Variants in TBC1D1 observed in about 807,000 individuals in gnomAD.
TBC1D1 encodes TBC1 domain family member 1, also known as TBC1 (tre-2/USP6, BUB2, cdc16) domain family, member 1.
In TBC1D1, 89 loss-of-function variants were observed where a neutral mutation model predicts 125.6. The ratio of observed to expected loss-of-function variants is 0.71; its 90% CI spans 0.60 to 0.85. The LOEUF (loss-of-function observed/expected upper bound fraction) is 0.85. TBC1D1 is among the 40% of genes least tolerant of loss of function. TBC1D1 has a pLI of 0.00. For synonymous variants in TBC1D1, 565 were observed against 564.1 expected (o/e 1.00, Z -0.02); for missense variants, 1,377 against 1,469.2 (o/e 0.94, Z 1.03).
Position 38,090,021 on chromosome 4 carries a change from A to G in TBC1D1, c.2140A>G (p.Lys714Glu), listed in dbSNP as rs763077102. The G allele has an allele frequency of 3.4e-5, 55 of 1,614,052 alleles. No homozygotes were observed. Among genetic ancestry groups the G allele is most frequent in the Non-Finnish European group, 1.9e-5 (23 of 1,180,022 alleles). Residue 714 changes from lysine (K) to glutamate (E), a missense_variant, in exon 13 of 20, where the codon AAA becomes GAA. Lys to Glu is a moderately conservative substitution (Grantham distance 56). Coordinates refer to ENST00000261439, the MANE Select transcript of TBC1D1 (RefSeq NM_015173.4). ...CTTTGGCCCCCCACCAGAGGAAAAG[A>G]AAAGGACATCTCGTGAGCTCCGAGA...
chr4:37,973,802 C>T (rs143263119), intron 2 of TBC1D1, among the ~76,000 whole-genome samples: 128 of 152,358 alleles, frequency 8.4e-4, no homozygotes, highest in African/African-American at 2.9e-3. Flanking sequence ...TAATCATTAA[C>T]GTTTTAAGAC....
intron 2 of TBC1D1, among the ~76,000 whole-genome samples, chr4:37,978,416 T>C (rs1280878837): frequency 2.0e-5 from 3 of 152,232 alleles, no homozygotes; most frequent in Non-Finnish European, 4.4e-5. Flanking sequence ...GGTTGAGTAA[T>C]AAGCTCACAA....
At position 37,977,412 on chromosome 4, in the gene TBC1D1, A is replaced by G; in HGVS notation, c.418-37097A>G. 1 of 853,660 alleles carries G rather than the reference A, an allele frequency of 1.2e-6. No individual in the cohort carries two copies. The highest frequency in any genetic ancestry group is 6.1e-4 in the Middle Eastern group (1 of 1,628). The allele number at this position is 853,660 out of a possible 1,614,324, so 52.9% of individuals were successfully genotyped here. ...CGATGCCCCGGCCCCGCCGCTCCCC[A>G]AGCCCGCCCCCGGCCGCCCGCGGGC... On this transcript the variant is annotated intron_variant, in intron 2 of 19. Transcript: ENST00000261439. The surrounding 1 kb of genome is among the most constrained non-coding windows in gnomAD (Gnocchi z 4.3).
chr4:38,100,657 G>T (rs1760148235), intron 14 of TBC1D1, among the ~76,000 whole-genome samples: 1 of 152,116 alleles, frequency 6.6e-6, no homozygotes, highest in African/African-American at 2.4e-5. Context: ...ATTACAGAAG[G>T]TATAGGATGT....
chr4:38,057,375 C>T (rs1256549271), intron 12 of TBC1D1, among the ~76,000 whole-genome samples: 1 of 152,192 alleles, frequency 6.6e-6, no homozygotes, highest in East Asian at 1.9e-4. Context: ...CAGCTCTCTC[C>T]CTGTAACACA....
chr4:38,131,347 T>C (rs1765554960), intron 18 of TBC1D1, among the ~76,000 whole-genome samples: 1 of 152,254 alleles, frequency 6.6e-6, no homozygotes, highest in Non-Finnish European at 1.5e-5. Flanking sequence ...TTTATAATTA[T>C]ACATGAGTGC....
intron 18 of TBC1D1, 74 bp from the exon 21 acceptor site, chr4:38,133,010 G>T: frequency 7.1e-7 from 1 of 1,398,660 alleles, no homozygotes. Context: ...GCATTGTCGT[G>T]ATTGCAGACG....
intron 6 of TBC1D1, among the ~76,000 whole-genome samples, chr4:38,024,648 A>G (rs1744714318): frequency 6.6e-6 from 1 of 152,188 alleles, no homozygotes; most frequent in African/African-American, 2.4e-5. Flanking sequence ...GTGTAGAAGA[A>G]GTGCATTGTT....
intron 5 of TBC1D1, 130 bp downstream of exon 5, chr4:38,020,825 T>C (rs1481909417): frequency 3.0e-6 from 2 of 675,368 alleles, no homozygotes; most frequent in Admixed American, 5.5e-5. Context: ...GTTATTTACT[T>C]ATGACTATTT....
chr4:38,046,887 C>T (rs1749593251), intron 10 of TBC1D1, among the ~76,000 whole-genome samples: 1 of 152,146 alleles, frequency 6.6e-6, no homozygotes, highest in Admixed American at 6.6e-5. Flanking sequence ...CTCTCTTTGG[C>T]AGTAGTGAGG....
chr4:38,112,997 T>C (rs1762442647), intron 15 of TBC1D1, among the ~76,000 whole-genome samples: 1 of 152,184 alleles, frequency 6.6e-6, no homozygotes, highest in Non-Finnish European at 1.5e-5. Context: ...GGTCATTGGT[T>C]TGGCAAAATT....
At chr4:38,087,866 A>AG (rs1757789677) in intron 12 of TBC1D1, among the ~76,000 whole-genome samples, 3 of 149,030 alleles carry the variant, frequency 2.0e-5, no homozygotes, top group Non-Finnish European at 3.0e-5. Context: ...AAAAAAAGAA[A>AG]AAAAAAAAAA....
intron 2 of TBC1D1, among the ~76,000 whole-genome samples, chr4:37,941,963 A>G (rs1725664988): frequency 6.6e-6 from 1 of 152,220 alleles, no homozygotes; most frequent in South Asian, 2.1e-4. Context: ...CAATTTTGGA[A>G]TAAGTGCGAT....
chr4:38,035,528 C>A, intron 7 of TBC1D1, 60 bp from the exon 8 acceptor site: 1 of 1,372,692 alleles, frequency 7.3e-7, no homozygotes, highest in South Asian at 1.2e-5. Context: ...TTTAAAAAGA[C>A]GGCTTAGCAA....
chr4:37,961,068 T>A, intron 2 of TBC1D1: 2 of 1,588,510 alleles, frequency 1.3e-6, no homozygotes, highest in South Asian at 2.2e-5. Flanking sequence ...TTGGAGTTTG[T>A]GTGTACTTGT....
chr4:37,901,462 T>C (rs943873658), intron 1 of TBC1D1, among the ~76,000 whole-genome samples: 9 of 152,100 alleles, frequency 5.9e-5, no homozygotes, highest in African/African-American at 2.2e-4. Flanking sequence ...TGGCCTAACA[T>C]TGATATCTGT....
At chr4:38,071,690 G>A (rs1487123121) in intron 12 of TBC1D1, among the ~76,000 whole-genome samples, 1 of 152,178 alleles carries the variant, frequency 6.6e-6, no homozygotes, top group Non-Finnish European at 1.5e-5. Context: ...TGTCTCTGTA[G>A]TCCTTGGCAC....
intron 2 of TBC1D1, among the ~76,000 whole-genome samples, chr4:37,922,181 G>A (rs1013699222): frequency 2.6e-5 from 4 of 151,946 alleles, no homozygotes; most frequent in Admixed American, 6.6e-5. Flanking sequence ...ATACTTTCAC[G>A]TATCACTTTA....
chr4:37,999,157 G>T (rs1313224633), intron 2 of TBC1D1, among the ~76,000 whole-genome samples: 2 of 152,172 alleles, frequency 1.3e-5, no homozygotes, highest in African/African-American at 4.8e-5. Context: ...GCTGAAGCAG[G>T]AGAATCGCTT....
Sources: allele counts gnomAD v4.1 joint callset (sites outside exome capture counted in the v4.1 genomes callset), GRCh38; gene constraint gnomAD v4.1.1; non-coding constraint Gnocchi (gnomAD v3.1); transcripts MANE v1.5; gene names NCBI Gene and HGNC (gene_info 2026-07-23, HGNC 2026-07-21).